The following SLC35A3 variants were observed in gnomAD, a reference collection of about 807,000 sequenced individuals.
SLC35A3 encodes solute carrier family 35 member A3, also known as UDP-N-acetylglucosamine transporter.
Under a neutral mutation model 39.0 loss-of-function variants are expected in SLC35A3, and 26 were observed. The ratio of observed to expected loss-of-function variants is 0.67; its 90% CI spans 0.49 to 0.92. SLC35A3 has a LOEUF of 0.92. Ranked by LOEUF, SLC35A3 falls within the 40% of genes least tolerant of loss-of-function variation. The pLI, the probability that SLC35A3 is intolerant of heterozygous loss-of-function variation, is 0.00. For missense variants in SLC35A3, 299 were observed against 371.6 expected (o/e 0.80, Z 1.61); for synonymous variants, 135 against 133.1 (o/e 1.01, Z -0.10).
rs188762789 is a variant in SLC35A3, at chr1:100,006,004, A to T, written c.343-1030A>T. ...GTAGATAGCTTTCATAGGGAAAGAC[A>T]TTTTCTCACAGATATATGCATAATG... On this transcript the variant is annotated intron_variant, in intron 3 of 7. Transcript: ENST00000533028. Among the ~76,000 whole-genome samples, 191 of 152,228 alleles carry T rather than the reference A, an allele frequency of 1.3e-3. 1 individual carries two copies. Among genetic ancestry groups the T allele is most frequent in the African/African-American group, 4.5e-3 (187 of 41,530 alleles).
chr1:99,995,575 A>G (rs1658358158), intron 2 of SLC35A3, among the ~76,000 whole-genome samples: 1 of 152,188 alleles, frequency 6.6e-6, no homozygotes, highest in Admixed American at 6.5e-5. Flanking sequence ...AGATTAAACT[A>G]TTGGGTGAAT....
intron 1 of SLC35A3, among the ~76,000 whole-genome samples, chr1:99,981,325 G>T (rs1284360829): frequency 1.3e-5 from 2 of 152,096 alleles, no homozygotes; most frequent in Non-Finnish European, 2.9e-5. Context: ...GTTACTAAGG[G>T]AGTATAGTGT....
At chr1:99,977,153 C>G (rs993952663) in intron 1 of SLC35A3, among the ~76,000 whole-genome samples, 19 of 151,948 alleles carry the variant, frequency 1.3e-4, no homozygotes, top group African/African-American at 4.4e-4. Flanking sequence ...GGCTGAATAG[C>G]TAAACATTGT....
intron 3 of SLC35A3, among the ~76,000 whole-genome samples, chr1:100,003,988 T>G (rs1038419844): frequency 3.3e-5 from 5 of 152,234 alleles, no homozygotes; most frequent in African/African-American, 9.6e-5. Flanking sequence ...ATCCCTTTAC[T>G]TTCGTCTGTT....
intron 2 of SLC35A3, among the ~76,000 whole-genome samples, chr1:99,995,104 TTTTCTTTCTTTCTTTC>T (rs58899984): frequency 0.093 from 10,551 of 113,444 alleles, 579 homozygotes; most frequent in Admixed American, 0.12. Context: ...TTTTTGTGTA[TTTTCTTTCTTTCTTTC>T]TTTCTTTCTT....
At position 100,028,927 on chromosome 1, in the gene SLC35A3, C is replaced by CA. The variant is rs1661072726; in HGVS notation, c.*6452dup. The CA allele has an allele frequency of 6.6e-6, 1 of 152,272 alleles. No individual in the cohort carries two copies. The highest frequency in any genetic ancestry group is 2.4e-5 in the African/African-American group (1 of 41,454). 9.4% of individuals were successfully genotyped at this position (152,272 alleles called of 1,614,324 possible). On this transcript the variant is annotated 3_prime_UTR_variant, in exon 8 of 8. Coordinates refer to ENST00000533028, the MANE Select transcript of SLC35A3 (RefSeq NM_012243.3). ...CAGCCAAAGGAAGTGACACATAAAA[C>CA]AGAGTCTAGGAGTGGTCCAAACTTG...
intron 6 of SLC35A3, among the ~76,000 whole-genome samples, chr1:100,017,437 A>G (rs1455720790): frequency 1.3e-5 from 2 of 152,242 alleles, no homozygotes; most frequent in Non-Finnish European, 1.5e-5. Context: ...TAATATGGTC[A>G]AAGTCCATTA....
intron 1 of SLC35A3, among the ~76,000 whole-genome samples, chr1:99,983,660 C>G (rs552182928): frequency 4.6e-5 from 7 of 151,414 alleles, no homozygotes; most frequent in Non-Finnish European, 8.8e-5. Flanking sequence ...GAGTCTTGCT[C>G]TCTCACCCAG....
At position 100,030,473 on chromosome 1, in the gene SLC35A3, G is replaced by A. The variant is rs1446037786; in HGVS notation, c.*7997G>A. 1.3e-5 allele frequency: 2 copies of A among 152,294 alleles called. No individual in the cohort carries two copies. Among genetic ancestry groups the A allele is most frequent in the Non-Finnish European group, 1.5e-5 (1 of 68,032 alleles). 9.4% of individuals were successfully genotyped at this position (152,294 alleles called of 1,614,324 possible). A position where few individuals can be genotyped will look rare whatever the true frequency, so the allele number is the denominator to read the frequency against. On this transcript the variant is annotated 3_prime_UTR_variant, in exon 8 of 8. Transcript: ENST00000533028. ...TGTAAACTTTCTTAAAACAGTATGA[G>A]ATTTTTTTGCAATTTTTTAAAGCTC... is the stretch of plus-strand genomic sequence containing the variant.
intron 5 of SLC35A3, 27 bp from the exon 6 acceptor site, chr1:100,015,275 T>C: frequency 1.9e-6 from 3 of 1,539,378 alleles, no homozygotes; most frequent in Non-Finnish European, 8.7e-7. Flanking sequence ...CTAAACGATA[T>C]ATCATGTAGA....
At chr1:99,997,695 C>T (rs1343363147) in intron 2 of SLC35A3, among the ~76,000 whole-genome samples, 1 of 150,042 alleles carries the variant, frequency 6.7e-6, no homozygotes, top group Non-Finnish European at 1.5e-5. Flanking sequence ...CTAAGTATAC[C>T]TCTCTTGGAC....
chr1:99,985,151 A>G (rs973310633), intron 1 of SLC35A3, among the ~76,000 whole-genome samples: 2 of 152,194 alleles, frequency 1.3e-5, no homozygotes, highest in African/African-American at 4.8e-5. Flanking sequence ...GCCTAAGCCA[A>G]TGTCTAGTAG....
At chr1:99,970,196 A>C in intron 1 of SLC35A3, 34 bp downstream of exon 1, 3 of 189,192 alleles carry the variant, frequency 1.6e-5, no homozygotes, top group East Asian at 1.4e-4. Context: ...AGGGGCGGGA[A>C]CCAGGAGGCT....
At chr1:100,022,309 A>T in intron 7 of SLC35A3, 77 bp from the exon 8 acceptor site, 1 of 728,446 alleles carries the variant, frequency 1.4e-6, no homozygotes, top group Non-Finnish European at 2.3e-6. Context: ...AATTGTTTTT[A>T]TAGTAAAGAA....
chr1:99,976,601 A>C (rs1353115065), intron 1 of SLC35A3, among the ~76,000 whole-genome samples: 1 of 152,232 alleles, frequency 6.6e-6, no homozygotes, highest in African/African-American at 2.4e-5. Flanking sequence ...AAACTATGAT[A>C]CATATACACC....
At chr1:99,977,364 CAAAAA>C (rs61423393) in intron 1 of SLC35A3, among the ~76,000 whole-genome samples, 3 of 98,470 alleles carry the variant, frequency 3.0e-5, no homozygotes, top group African/African-American at 1.1e-4. Flanking sequence ...TTAAAAATAC[CAAAAA>C]AAAAAAAAAA....
At chr1:99,982,115 G>A (rs527502744) in intron 1 of SLC35A3, among the ~76,000 whole-genome samples, 18 of 148,846 alleles carry the variant, frequency 1.2e-4, no homozygotes, top group Non-Finnish European at 1.9e-4. Context: ...AGTGATTCTC[G>A]TGCCTCAGCC....
Position 100,022,619 on chromosome 1 carries a change from GAC to G in SLC35A3, c.*145_*146del. ...CTGTTTTTTAAAAGTTTAAGGATAA[GAC>G]ATGTGTATATGTAACAAAACACATT... is the stretch of plus-strand genomic sequence containing the variant. On this transcript the variant is annotated 3_prime_UTR_variant, in exon 8 of 8. Coordinates refer to ENST00000533028, the MANE Select transcript of SLC35A3 (RefSeq NM_012243.3). 2.2e-6 allele frequency: 1 copy of G among 457,948 alleles called. No individual in the cohort carries two copies. Among genetic ancestry groups the G allele is most frequent in the South Asian group, 5.4e-5 (1 of 18,538 alleles). 28.4% of individuals were successfully genotyped at this position (457,948 alleles called of 1,614,324 possible).
intron 3 of SLC35A3, chr1:100,000,644 T>C (rs968663597): frequency 4.6e-5 from 7 of 152,146 alleles, no homozygotes; most frequent in African/African-American, 1.4e-4. Flanking sequence ...TTTTAAAATA[T>C]GGAACACTTC....
Sources: gnomAD v4.1 joint callset for allele counts (sites outside exome capture counted in the v4.1 genomes callset) on GRCh38, gnomAD v4.1.1 for gene constraint, MANE v1.5 for transcripts, NCBI Gene and HGNC (gene_info 2026-07-23, HGNC 2026-07-21) for gene names.